The following PKP4 variants were observed in gnomAD, a reference collection of about 807,000 sequenced individuals.
The protein encoded by PKP4 is plakophilin-4.
Under a neutral mutation model 145.1 loss-of-function variants are expected in PKP4, and 90 were observed. The observed-to-expected ratio is 0.62, with a 90% CI of 0.52 to 0.74. The LOEUF (loss-of-function observed/expected upper bound fraction) is 0.74. Ranked by LOEUF, PKP4 falls within the 30% of genes least tolerant of loss-of-function variation. The pLI, the probability that PKP4 is intolerant of heterozygous loss-of-function variation, is 0.00. For missense variants in PKP4, 1,340 were observed against 1,482.7 expected (o/e 0.90, Z 1.58); for synonymous variants, 563 against 577.2 (o/e 0.98, Z 0.35).
intron 17 of PKP4, among the ~76,000 whole-genome samples, chr2:158,671,827 T>C (rs2057587566): frequency 6.6e-6 from 1 of 152,040 alleles, no homozygotes; most frequent in Non-Finnish European, 1.5e-5. Context: ...GGGTGGGTGG[T>C]GGGCCATGCT....
At chr2:158,472,093 G>A (rs1691660276) in intron 1 of PKP4, among the ~76,000 whole-genome samples, 1 of 152,156 alleles carries the variant, frequency 6.6e-6, no homozygotes, top group African/African-American at 2.4e-5. Flanking sequence ...GGAATCTATT[G>A]CACAGCATGG....
intron 1 of PKP4, among the ~76,000 whole-genome samples, chr2:158,517,416 T>G (rs1221597372): frequency 6.6e-6 from 1 of 152,230 alleles, no homozygotes; most frequent in African/African-American, 2.4e-5. Context: ...CCCTGCCATC[T>G]GTGTTTCACC....
chr2:158,529,105 C>T (rs946242653), intron 1 of PKP4, among the ~76,000 whole-genome samples: 2 of 152,196 alleles, frequency 1.3e-5, no homozygotes, highest in Admixed American at 6.5e-5. Context: ...TGGGAGTGTG[C>T]TACCTTCAGA....
chr2:158,531,559 T>G (rs983858699), intron 1 of PKP4, among the ~76,000 whole-genome samples: 2 of 152,232 alleles, frequency 1.3e-5, no homozygotes, highest in Non-Finnish European at 2.9e-5. Context: ...AGAAGAAATT[T>G]TATTTAGTTG....
rs749929345 is a variant in PKP4 at position 158,625,404 on chromosome 2, C to A, written c.1130C>A (p.Pro377Gln). 6.2e-7 allele frequency: 1 copy of A among 1,612,100 alleles called. No individual in the cohort carries two copies. Among genetic ancestry groups the A allele is most frequent in the South Asian group, 1.1e-5 (1 of 90,980 alleles). ...QQYDIYERMV[P>Q]PRPDSLTGLR... ...TATGACATTTATGAGAGGATGGTTC[C>A]ACCCAGGCCAGACAGCCTGACAGGT... The change falls in exon 7 of 22, where the codon CCA (proline) becomes CAA (glutamine). Residue 377 changes from proline (P) to glutamine (Q), a missense_variant. Pro to Gln is a moderately conservative substitution (Grantham distance 76, BLOSUM62 -1). Coordinates refer to ENST00000389759, the MANE Select transcript of PKP4 (RefSeq NM_003628.6).
chr2:158,528,201 G>T (rs892021972), intron 1 of PKP4, among the ~76,000 whole-genome samples: 2 of 140,318 alleles, frequency 1.4e-5, no homozygotes, highest in African/African-American at 2.5e-5. Flanking sequence ...TGTTTATTGC[G>T]GCATTATTCA....
chr2:158,608,808 C>CTTTTTTTTTTTTTTTTTTTT (rs66933766), intron 4 of PKP4, among the ~76,000 whole-genome samples: 8 of 86,184 alleles, frequency 9.3e-5, no homozygotes, highest in Admixed American at 1.4e-4. Flanking sequence ...TCTTTTCTTT[C>CTTTTTTTTTTTTTTTTTTTT]TTTTTTTTTT....
chr2:158,532,579 A>G (rs751158309), intron 1 of PKP4, among the ~76,000 whole-genome samples: 5 of 152,242 alleles, frequency 3.3e-5, no homozygotes, highest in Non-Finnish European at 7.3e-5. Context: ...TCTTTTGACA[A>G]ACACACTGCT....
chr2:158,639,341 T>TGC (rs1553468394), intron 9 of PKP4, among the ~76,000 whole-genome samples: 3 of 151,740 alleles, frequency 2.0e-5, no homozygotes, highest in South Asian at 2.1e-4. Context: ...TGTGTGTGTG[T>TGC]GCGTGCGTGT....
chr2:158,549,180 C>A, intron 2 of PKP4: 1 of 191,934 alleles, frequency 5.2e-6, no homozygotes, highest in Admixed American at 4.9e-5. Flanking sequence ...CTTTGCCAAG[C>A]TGGAAAGGGC....
intron 7 of PKP4, among the ~76,000 whole-genome samples, 198 bp from the exon 8 acceptor site, chr2:158,631,555 T>C (rs985097778): frequency 6.6e-6 from 1 of 151,916 alleles, no homozygotes; most frequent in Non-Finnish European, 1.5e-5. Flanking sequence ...AACTAATTTT[T>C]TTTTTTAATT....
intron 2 of PKP4, among the ~76,000 whole-genome samples, chr2:158,550,632 T>C (rs1282102445): frequency 1.3e-5 from 2 of 152,208 alleles, no homozygotes; most frequent in Non-Finnish European, 2.9e-5. Context: ...TCTGTTCTGA[T>C]AGACTGGTGG....
intron 1 of PKP4, among the ~76,000 whole-genome samples, chr2:158,476,086 A>C (rs1476726864): frequency 6.6e-6 from 1 of 152,216 alleles, no homozygotes; most frequent in African/African-American, 2.4e-5. Context: ...TAGAATATTA[A>C]AGCAGCTATT....
In PKP4 at chr2:158,663,048, A is replaced by G; in HGVS notation, c.2363A>G (p.Lys788Arg). ...GACTCTGAGCCAAGTTGCTGGGGGAAGAAGAAGAAAAAGAAAAAGAGGACT... is the reference window on the plus strand; with the variant it reads ...GACTCTGAGCCAAGTTGCTGGGGGAGGAAGAAGAAAAAGAAAAAGAGGACT... ...SKDSEPSCWG[K>R]KKKKKKRTPQ... Residue 788 changes from lysine to arginine, a missense_variant, in exon 14 of 22, where the codon AAG becomes AGG. Physicochemically the swap from Lys to Arg is conservative, Grantham distance 26. Coordinates refer to ENST00000389759, the MANE Select transcript of PKP4 (RefSeq NM_003628.6). 1 of 1,612,138 alleles carries G rather than the reference A, an allele frequency of 6.2e-7. No homozygotes were observed. Among genetic ancestry groups the G allele is most frequent in the East Asian group, 2.2e-5 (1 of 44,868 alleles).
chr2:158,653,164 T>G (rs1184679725), intron 11 of PKP4, among the ~76,000 whole-genome samples: 2 of 152,184 alleles, frequency 1.3e-5, no homozygotes, highest in East Asian at 3.8e-4. Context: ...TTTAAGATTG[T>G]CTTTCATATC....
chr2:158,616,957 A>C (rs2051687476), intron 4 of PKP4, among the ~76,000 whole-genome samples: 1 of 152,212 alleles, frequency 6.6e-6, no homozygotes, highest in African/African-American at 2.4e-5. Context: ...TACATTATAA[A>C]AAAGATAAAA....
rs555989131 is a variant in PKP4, at chr2:158,534,097, A to G, written c.132+781A>G. Among the ~76,000 whole-genome samples, 57 of 152,236 alleles carry G rather than the reference A, an allele frequency of 3.7e-4. 1 individual carries two copies. In the South Asian group the frequency reaches 0.011, roughly 30 times the overall value. On this transcript the variant is annotated intron_variant, in intron 2 of 21. Transcript: ENST00000389759. ...ATTTTGTTGAAATAATCTAAGATTA[A>G]GTTTTTTTAAAACATCTTATAATTA...
rs78769575 is a variant in PKP4 at position 158,542,488 on chromosome 2, A to G, written c.132+9172A>G. ...GTTGCATTTCGCTCATTTGATCTGC[A>G]CTACAGAACTGGGCAAATGTGTTTT... On this transcript the variant is annotated intron_variant, in intron 2 of 21. Transcript: ENST00000389759. Among the ~76,000 whole-genome samples, 4 of 152,320 alleles carry G rather than the reference A, an allele frequency of 2.6e-5. No individual in the cohort carries two copies. The East Asian group carries it at 5.8e-4, about 22-fold the overall frequency.
At chr2:158,589,534 A>G (rs2049076145) in intron 3 of PKP4, among the ~76,000 whole-genome samples, 1 of 152,176 alleles carries the variant, frequency 6.6e-6, no homozygotes, top group African/African-American at 2.4e-5. Context: ...CCTATCTGGA[A>G]ACTCTGAAGC....
Sources: gnomAD v4.1 joint callset for allele counts (sites outside exome capture counted in the v4.1 genomes callset) on GRCh38, gnomAD v4.1.1 for gene constraint, MANE v1.5 for transcripts, NCBI Gene and HGNC (gene_info 2026-07-23, HGNC 2026-07-21) for gene names.